The following CHN1 variants were observed in gnomAD, a reference collection of about 807,000 sequenced individuals.
The protein encoded by CHN1 is N-chimaerin.
A neutral mutation model predicts 59.5 loss-of-function variants in CHN1; 37 were observed. The ratio of observed to expected loss-of-function variants is 0.62; its 90% CI spans 0.48 to 0.82. CHN1 has a LOEUF of 0.82. Among genes scored for constraint, CHN1 ranks in the 40% least tolerant of loss-of-function variants. CHN1 has a pLI of 0.00. For synonymous variants in CHN1, 206 were observed against 200.4 expected (o/e 1.03, Z -0.24); for missense variants, 469 against 571.0 (o/e 0.82, Z 1.82).
At chr2:174,922,123 T>C (rs995958464) in intron 3 of CHN1, among the ~76,000 whole-genome samples, 3 of 152,226 alleles carry the variant, frequency 2.0e-5, no homozygotes, top group African/African-American at 4.8e-5. Flanking sequence ...ATGATGGCTA[T>C]TCTAGTTTTA....
chr2:174,823,600 T>C (rs1490401674), intron 8 of CHN1, among the ~76,000 whole-genome samples: 5 of 151,934 alleles, frequency 3.3e-5, no homozygotes, highest in Non-Finnish European at 1.5e-5. Context: ...GAGGCGGAGC[T>C]TGCAGTGAGC....
chr2:174,887,326 T>G (rs1558967932), intron 5 of CHN1, among the ~76,000 whole-genome samples: 1 of 152,192 alleles, frequency 6.6e-6, no homozygotes, highest in African/African-American at 2.4e-5. Context: ...TAACAATAGT[T>G]ACCACTTGTT....
intron 1 of CHN1, among the ~76,000 whole-genome samples, chr2:174,984,431 C>T (rs1028879655): frequency 9.0e-5 from 13 of 145,084 alleles, no homozygotes; most frequent in Admixed American, 2.1e-4. Flanking sequence ...TGCAGTGGCG[C>T]GATCCTGGCT....
chr2:174,839,016 TAA>T (rs780663866), intron 7 of CHN1, among the ~76,000 whole-genome samples: 4 of 142,300 alleles, frequency 2.8e-5, no homozygotes, highest in Admixed American at 7.1e-5. Context: ...GACTCTGTCT[TAA>T]AAAAAAAAAA....
intron 6 of CHN1, among the ~76,000 whole-genome samples, chr2:174,856,699 C>A (rs1310374157): frequency 6.6e-6 from 1 of 152,146 alleles, no homozygotes; most frequent in Non-Finnish European, 1.5e-5. Context: ...ATTCGACAAG[C>A]CACTTAGCTT....
intron 5 of CHN1, among the ~76,000 whole-genome samples, chr2:174,895,221 C>T (rs1358747430): frequency 7.5e-4 from 112 of 149,764 alleles, no homozygotes; most frequent in African/African-American, 2.3e-3. Flanking sequence ...TATACACACA[C>T]ACACACACAC....
chr2:174,930,642 G>A (rs1558986235), intron 3 of CHN1, among the ~76,000 whole-genome samples: 1 of 152,226 alleles, frequency 6.6e-6, no homozygotes, highest in Non-Finnish European at 1.5e-5. Flanking sequence ...TAAGAAACTG[G>A]CAGGAGGTAG....
rs1037256810 is a variant in CHN1 at position 174,807,258 on chromosome 2, G to A, written c.1102+1647C>T. Among the ~76,000 whole-genome samples, 9 of 152,166 alleles carry A rather than the reference G, an allele frequency of 5.9e-5. No homozygotes were observed. In the South Asian group the frequency reaches 1.7e-3, roughly 28 times the overall value. ...TTGGCTTTTACTTCTTCCTAGATAT[G>A]GCGGTGTGTGGAGTTCAGAACCTGG... is the stretch of plus-strand genomic sequence containing the variant. On this transcript the variant is annotated intron_variant, in intron 11 of 12. Coordinates refer to ENST00000409900, the MANE Select transcript of CHN1 (RefSeq NM_001822.7).
chr2:174,948,347 C>T (rs6720842), intron 2 of CHN1, among the ~76,000 whole-genome samples: 7 of 152,128 alleles, frequency 4.6e-5, no homozygotes, highest in Admixed American at 2.6e-4. Flanking sequence ...AAGGTCTCCA[C>T]GGTCAACTTA....
At position 174,801,463 on chromosome 2, in the gene CHN1, A is replaced by G. The variant is rs192235821; in HGVS notation, c.1208+244T>C. Among the ~76,000 whole-genome samples the G allele has an allele frequency of 1.7e-3, 253 of 152,356 alleles. 1 individual carries two copies. The highest frequency in any genetic ancestry group is 1.1e-3 in the Non-Finnish European group (78 of 68,030). On this transcript the variant is annotated intron_variant, in intron 12 of 12. Transcript: ENST00000409900. Reference sequence around the variant, plus strand: ...TTGGCAGAATATTGGTATTTCTAGCATATCTGAAAACATATACTGGAACTG... The same window carrying G: ...TTGGCAGAATATTGGTATTTCTAGCGTATCTGAAAACATATACTGGAACTG...
At chr2:174,998,282 G>C (rs561673786) in intron 1 of CHN1, among the ~76,000 whole-genome samples, 1 of 119,842 alleles carries the variant, frequency 8.3e-6, no homozygotes, top group East Asian at 2.5e-4. Context: ...CAGCCTGGGT[G>C]ACAGAGTGAG....
chr2:174,980,013 T>C lies in CHN1; in HGVS notation c.19+24881A>G, dbSNP rs114004983. 3.8e-3 allele frequency among the ~76,000 whole-genome samples: 572 copies of C among 152,318 alleles called. 4 individuals carry two copies. Among genetic ancestry groups the C allele is most frequent in the African/African-American group, 0.013 (545 of 41,584 alleles). ...GTACCATCTGACTCTCACTTCTCTA[T>C]AGGGGAAGGAGAAGTTGTTAAAGTC... On this transcript the variant is annotated intron_variant, in intron 1 of 12. Transcript: ENST00000409900.
intron 5 of CHN1, among the ~76,000 whole-genome samples, chr2:174,900,085 G>T (rs994180222): frequency 1.3e-5 from 2 of 152,082 alleles, no homozygotes; most frequent in Non-Finnish European, 2.9e-5. Context: ...ATATTTTGAA[G>T]AAAGTATTAA....
intron 4 of CHN1, among the ~76,000 whole-genome samples, chr2:174,916,562 C>T (rs762158066): frequency 2.6e-5 from 4 of 152,160 alleles, no homozygotes; most frequent in Non-Finnish European, 5.9e-5. Flanking sequence ...GTTGAAATGG[C>T]ACCTTAATAA....
At position 175,005,239 on chromosome 2, in the gene CHN1, GC is replaced by G. The variant is rs1223901737; in HGVS notation, c.-328del. The G allele has an allele frequency of 8.4e-7, 1 of 1,187,648 alleles. No individual in the cohort carries two copies. The highest frequency in any genetic ancestry group is 1.6e-5 in the African/African-American group (1 of 61,470). The allele number at this position is 1,187,648 out of a possible 1,614,324, so 73.6% of individuals were successfully genotyped here. A position where few individuals can be genotyped will look rare whatever the true frequency, so the allele number is the denominator to read the frequency against. On this transcript the variant is annotated 5_prime_UTR_variant, in exon 1 of 13. The change abolishes the stop of an existing upstream ORF in the 5' untranslated region. Transcript: ENST00000409900. ...CAGGAGGCTTGGCCGCGGCGCAGTG[GC>G]TGGCGGAGAGGCGGCGCCGCACTGG...
At position 175,005,104 on chromosome 2, in the gene CHN1, G is replaced by A; in HGVS notation, c.-192C>T. ...CGCTGCAAGAAAAAGTTATTCACGC[G>A]TTATTGTCGGGCGCACCGGGCCCAG... On this transcript the variant is annotated 5_prime_UTR_variant, in exon 1 of 13. In the 5' UTR this introduces an upstream ATG that the reference lacks. Transcript: ENST00000409900. 7.5e-7 allele frequency: 1 copy of A among 1,328,788 alleles called. No individual in the cohort carries two copies. The highest frequency in any genetic ancestry group is 9.6e-7 in the Non-Finnish European group (1 of 1,038,484). The allele number at this position is 1,328,788 out of a possible 1,614,324, so 82.3% of individuals were successfully genotyped here.
chr2:174,799,843 G>T lies in CHN1; in HGVS notation c.*273C>A, dbSNP rs1684657218. The T allele has an allele frequency of 1.7e-6, 1 of 573,834 alleles. No homozygotes were observed. Among genetic ancestry groups the T allele is most frequent in the Non-Finnish European group, 3.3e-6 (1 of 303,446 alleles). The allele number at this position is 573,834 out of a possible 1,614,324, so 35.5% of individuals were successfully genotyped here. A position where few individuals can be genotyped will look rare whatever the true frequency, so the allele number is the denominator to read the frequency against. On this transcript the variant is annotated 3_prime_UTR_variant, in exon 13 of 13. Coordinates refer to ENST00000409900, the MANE Select transcript of CHN1 (RefSeq NM_001822.7). ...CAGGTTTGTTGTTTCTTCTGTATGG[G>T]GTTTCCTTGCCAGATAGGGGGCTAA...
chr2:174,961,163 GA>G (rs1230330609), intron 1 of CHN1, among the ~76,000 whole-genome samples: 1 of 135,944 alleles, frequency 7.4e-6, no homozygotes, highest in Non-Finnish European at 1.6e-5. Flanking sequence ...GGGAGGCAGG[GA>G]GGGAAGGAAT....
At chr2:174,926,121 C>G (rs1689158285) in intron 3 of CHN1, among the ~76,000 whole-genome samples, 1 of 151,884 alleles carries the variant, frequency 6.6e-6, no homozygotes, top group African/African-American at 2.4e-5. Context: ...GCAGATCAAT[C>G]ATTTTGCAAT....
Sources: gnomAD v4.1 joint callset for allele counts (sites outside exome capture counted in the v4.1 genomes callset) on GRCh38, gnomAD v4.1.1 for gene constraint, MANE v1.5 for transcripts, NCBI Gene and HGNC (gene_info 2026-07-23, HGNC 2026-07-21) for gene names.